The following MAGI2 variants were observed in gnomAD, a reference collection of about 807,000 sequenced individuals.
MAGI2 encodes membrane-associated guanylate kinase, WW and PDZ domain-containing protein 2.
In MAGI2, 35 loss-of-function variants were observed where a neutral mutation model predicts 133.3. The observed-to-expected ratio is 0.26, with a 90% CI of 0.20 to 0.35. The LOEUF is 0.35. MAGI2 is among the 10% of genes least tolerant of loss of function. The pLI, the probability that MAGI2 is intolerant of heterozygous loss-of-function variation, is 1.00. For synonymous variants in MAGI2, 729 were observed against 710.6 expected (o/e 1.03, Z -0.41); for missense variants, 1,636 against 1,863.4 (o/e 0.88, Z 2.25).
chr7:78,801,190 T>A (rs2151386045), intron 2 of MAGI2, among the ~76,000 whole-genome samples: 1 of 152,244 alleles, frequency 6.6e-6, no homozygotes. Context: ...CAAAAGAAAT[T>A]TTTTCCTCAG....
At chr7:78,456,494 C>CCAGG (rs1292039560) in intron 6 of MAGI2, among the ~76,000 whole-genome samples, 1 of 152,060 alleles carries the variant, frequency 6.6e-6, no homozygotes, top group East Asian at 1.9e-4. Flanking sequence ...AAGCATTGTG[C>CCAGG]CAGGCATTGT....
At chr7:79,153,679 A>G (rs2129547174) in intron 1 of MAGI2, among the ~76,000 whole-genome samples, 1 of 152,338 alleles carries the variant, frequency 6.6e-6, no homozygotes, top group African/African-American at 2.4e-5. Context: ...GCTGACCCTA[A>G]GCATAGTGGA....
At chr7:78,559,956 A>G (rs775131301) in intron 3 of MAGI2, among the ~76,000 whole-genome samples, 22 of 152,154 alleles carry the variant, frequency 1.4e-4, no homozygotes, top group Admixed American at 1.3e-3. Flanking sequence ...AAAAATAGGG[A>G]CTAAAGTAGA....
intron 7 of MAGI2, among the ~76,000 whole-genome samples, chr7:78,355,103 A>G (rs1791927726): frequency 6.6e-6 from 1 of 152,220 alleles, no homozygotes; most frequent in African/African-American, 2.4e-5. Context: ...AAATTATGCC[A>G]TTACTAGAAG....
chr7:78,544,112 C>T (rs568035496), intron 3 of MAGI2, among the ~76,000 whole-genome samples: 3 of 152,184 alleles, frequency 2.0e-5, no homozygotes, highest in Non-Finnish European at 4.4e-5. Context: ...CCCTTAGTGG[C>T]TCCAGGGACT....
chr7:78,479,017 G>C (rs1359538436), intron 6 of MAGI2, among the ~76,000 whole-genome samples: 1 of 151,858 alleles, frequency 6.6e-6, no homozygotes, highest in East Asian at 1.9e-4. Flanking sequence ...TCCCAGAAAG[G>C]GTAACACATC....
chr7:78,608,634 A>G (rs1806094459), intron 3 of MAGI2, among the ~76,000 whole-genome samples: 2 of 152,270 alleles, frequency 1.3e-5, no homozygotes, highest in Non-Finnish European at 2.9e-5. Flanking sequence ...GAGAGTTACA[A>G]TTTAGTCCCT....
intron 9 of MAGI2, among the ~76,000 whole-genome samples, chr7:78,266,630 T>G (rs1366341211): frequency 1.3e-5 from 2 of 150,280 alleles, no homozygotes; most frequent in Non-Finnish European, 3.0e-5. Flanking sequence ...CAGGCTGGAG[T>G]GCAGTGGCAT....
chr7:78,236,956 A>G (rs966750311), intron 10 of MAGI2, among the ~76,000 whole-genome samples: 3 of 152,198 alleles, frequency 2.0e-5, no homozygotes, highest in East Asian at 3.9e-4. Context: ...CCCCTTATAA[A>G]AACATCAGAT....
At chr7:78,851,594 C>T (rs143279203) in intron 2 of MAGI2, among the ~76,000 whole-genome samples, 3 of 152,228 alleles carry the variant, frequency 2.0e-5, no homozygotes, top group African/African-American at 4.8e-5. Flanking sequence ...TGCTTTTTTA[C>T]ATTGTTTTTT....
At chr7:78,647,126 C>T (rs1453839693) in intron 2 of MAGI2, among the ~76,000 whole-genome samples, 3 of 152,064 alleles carry the variant, frequency 2.0e-5, no homozygotes, top group Non-Finnish European at 4.4e-5. Flanking sequence ...GCAATGGCAA[C>T]AAAAGCCAAA....
chr7:79,273,975 A>G (rs1036152997), intron 1 of MAGI2, among the ~76,000 whole-genome samples: 1 of 152,086 alleles, frequency 6.6e-6, no homozygotes, highest in African/African-American at 2.4e-5. Flanking sequence ...CATAGGAGTA[A>G]ATGCAGTTCA....
chr7:78,135,186 G>A lies in MAGI2; in HGVS notation c.2866C>T (p.Arg956Cys), dbSNP rs760408756. The A allele has an allele frequency of 8.7e-6, 14 of 1,613,940 alleles. No homozygotes were observed. Among genetic ancestry groups the A allele is most frequent in the Admixed American group, 3.3e-5 (2 of 59,994 alleles). Reference sequence around the variant, plus strand: ...TCTGCAGGACTCCCATCAATGATGCGTCCGATTTTATGGGGCACAGCTAAA... The same window carrying A: ...TCTGCAGGACTCCCATCAATGATGCATCCGATTTTATGGGGCACAGCTAAA... Reference protein sequence around the residue: ...STITVPHKIGRIIDGSPADRC... With the variant: ...STITVPHKIGCIIDGSPADRC... The change falls in exon 17 of 22, where the codon CGC (arginine) becomes TGC (cysteine). Residue 956 changes from arginine (R) to cysteine (C), a missense_variant. Around this residue, in one of 5 missense-constraint regions of MAGI2, gnomAD observed 920 missense variants for 1,093.5 expected, o/e 0.84. Transcript: ENST00000354212.
At chr7:78,919,945 A>G (rs1799101502) in intron 2 of MAGI2, among the ~76,000 whole-genome samples, 1 of 152,068 alleles carries the variant, frequency 6.6e-6, no homozygotes, top group Non-Finnish European at 1.5e-5. Flanking sequence ...TAAATTGATG[A>G]GATTTCATTT....
chr7:78,598,371 T>C (rs186090442), intron 3 of MAGI2, among the ~76,000 whole-genome samples: 54 of 151,600 alleles, frequency 3.6e-4, no homozygotes, highest in African/African-American at 1.2e-3. Flanking sequence ...GAGGAGGAGA[T>C]TGTAAGAGAG....
At chr7:78,070,242 G>T (rs1219731032) in intron 21 of MAGI2, among the ~76,000 whole-genome samples, 1 of 131,790 alleles carries the variant, frequency 7.6e-6, no homozygotes, top group African/African-American at 2.9e-5. Context: ...CAGACATTCT[G>T]TCCCCTTCCC....
At chr7:78,480,865 C>T (rs953431836) in intron 6 of MAGI2, among the ~76,000 whole-genome samples, 1 of 151,758 alleles carries the variant, frequency 6.6e-6, no homozygotes, top group African/African-American at 2.4e-5. Context: ...CTAAACAAAA[C>T]GTGCCATATA....
intron 1 of MAGI2, among the ~76,000 whole-genome samples, chr7:79,190,663 G>C (rs545038426): frequency 8.9e-4 from 135 of 151,730 alleles, no homozygotes; most frequent in Non-Finnish European, 8.7e-4. Context: ...AGGCTTTTTG[G>C]TTTGGGTATT....
chr7:79,095,697 T>TATAATGGTATATGATGGTA (rs1817454920), intron 1 of MAGI2, among the ~76,000 whole-genome samples: 4 of 152,296 alleles, frequency 2.6e-5, no homozygotes, highest in East Asian at 1.9e-4. Context: ...ATTTACCATC[T>TATAATGGTATATGATGGTA]TTATATGACT....
Sources: gnomAD v4.1 joint callset for allele counts (sites outside exome capture counted in the v4.1 genomes callset) on GRCh38, gnomAD v4.1.1 for gene constraint, gnomAD v4.1.1 regional missense constraint, MANE v1.5 for transcripts, NCBI Gene and HGNC (gene_info 2026-07-23, HGNC 2026-07-21) for gene names.